The following DAB1 variants were observed in gnomAD, a reference collection of about 807,000 sequenced individuals.
DAB1 encodes the protein disabled homolog 1.
A neutral mutation model predicts 64.6 loss-of-function variants in DAB1; 15 were observed. The observed-to-expected ratio is 0.23, with a 90% CI of 0.16 to 0.36. The LOEUF (loss-of-function observed/expected upper bound fraction) is 0.36, where lower values mean the gene tolerates loss of function less well. DAB1 is among the 10% of genes least tolerant of loss of function. DAB1 has a pLI of 1.00. For missense variants in DAB1, 596 were observed against 706.7 expected, an observed-to-expected ratio of 0.84 and a Z score of 1.78; for synonymous variants, 235 against 251.9, an observed-to-expected ratio of 0.93 and a Z score of 0.64.
chr1:57,052,677 C>T (rs1649307963), intron 9 of DAB1, among the ~76,000 whole-genome samples: 1 of 152,092 alleles, frequency 6.6e-6, no homozygotes, highest in Non-Finnish European at 1.5e-5. Flanking sequence ...AAATACTGGC[C>T]TATATAATGA....
chr1:58,062,455 G>C (rs977704764), intron 5 of DAB1, among the ~76,000 whole-genome samples: 3 of 152,220 alleles, frequency 2.0e-5, no homozygotes, highest in African/African-American at 4.8e-5. Context: ...AGGGCTTCTT[G>C]GGAAGGCCCT....
At chr1:57,184,999 C>G (rs1663383402) in intron 2 of DAB1, among the ~76,000 whole-genome samples, 1 of 152,148 alleles carries the variant, frequency 6.6e-6, no homozygotes, top group Admixed American at 6.5e-5. Context: ...CTCACTGACT[C>G]TCATCCTGAG....
At chr1:58,294,982 C>A (rs149290601) in intron 4 of DAB1, among the ~76,000 whole-genome samples, 2 of 151,632 alleles carry the variant, frequency 1.3e-5, no homozygotes, top group African/African-American at 4.8e-5. Context: ...GATTCATGTT[C>A]ACTTTTGGCT....
intron 9 of DAB1, among the ~76,000 whole-genome samples, chr1:57,059,730 T>G (rs1650189121): frequency 2.0e-5 from 3 of 151,952 alleles, no homozygotes; most frequent in Admixed American, 2.0e-4. Flanking sequence ...TCTAATTATG[T>G]TCAATCATCT....
chr1:57,825,719 A>G (rs1165007674), downstream of DAB1, among the ~76,000 whole-genome samples: 5 of 152,204 alleles, frequency 3.3e-5, no homozygotes. Context: ...GATCTCAAAT[A>G]AGATAAATTT....
rs1414667024 is a variant in DAB1 at position 57,493,762 on chromosome 1, G to GCACACACACACA, written n.625+155829_625+155830insTGTGTGTGTGTG. ...AGGGAGGCAGGCTGACGTATTCACA[G>GCACACACACACA]CTCACACACACACACACACACACAC... On this transcript the variant is annotated intron_variant and non_coding_transcript_variant, in intron 7 of 20. Coordinates refer to the DAB1 transcript ENST00000485760. 7.1e-3 allele frequency among the ~76,000 whole-genome samples: 1,073 copies of GCACACACACACA among 150,176 alleles called. 12 individuals carry two copies. Among genetic ancestry groups the GCACACACACACA allele is most frequent in the African/African-American group, 0.026 (1,036 of 39,996 alleles).
chr1:57,143,918 GTATATGTATATA>G (rs1360214184), intron 3 of DAB1, among the ~76,000 whole-genome samples: 3 of 150,538 alleles, frequency 2.0e-5, no homozygotes, highest in Non-Finnish European at 4.4e-5. Flanking sequence ...TTATGTATAT[GTATATGTATATA>G]TATATGTTTA....
chr1:58,508,072 T>C (rs560315327), intron 2 of DAB1, among the ~76,000 whole-genome samples: 37 of 152,266 alleles, frequency 2.4e-4, no homozygotes, highest in African/African-American at 8.4e-4. Flanking sequence ...GTAACACAGC[T>C]GAAGGGAATC....
intron 2 of DAB1, among the ~76,000 whole-genome samples, chr1:57,164,659 C>T (rs1310400752): frequency 6.6e-6 from 1 of 152,122 alleles, no homozygotes; most frequent in Non-Finnish European, 1.5e-5. Context: ...ATTGGCCTGG[C>T]TAAGAGGAAG....
At chr1:58,085,752 C>G (rs111271930) in intron 5 of DAB1, among the ~76,000 whole-genome samples, 13 of 152,012 alleles carry the variant, frequency 8.6e-5, no homozygotes, top group Non-Finnish European at 1.5e-4. Context: ...TCCCCCTACA[C>G]GCTCCAACCC....
intron 3 of DAB1, among the ~76,000 whole-genome samples, chr1:58,499,402 TTTAGCCCAGGAC>T (rs1227571073): frequency 2.0e-5 from 3 of 151,356 alleles, no homozygotes; most frequent in African/African-American, 7.3e-5. Flanking sequence ...GGAAAATTGC[TTTAGCCCAGGAC>T]TTCAAAGCTG....
At chr1:57,055,575 T>C (rs1378836024) in intron 9 of DAB1, among the ~76,000 whole-genome samples, 1 of 152,200 alleles carries the variant, frequency 6.6e-6, no homozygotes, top group Non-Finnish European at 1.5e-5. Flanking sequence ...CATCAGTTGA[T>C]GCACTCAGGT....
intron 3 of DAB1, among the ~76,000 whole-genome samples, chr1:58,362,866 G>A (rs1411544558): frequency 6.6e-6 from 1 of 152,202 alleles, no homozygotes; most frequent in Non-Finnish European, 1.5e-5. Context: ...GCCAGCTTGG[G>A]CTTCCATAAC....
At chr1:57,394,959 T>A (rs1682682813) in intron 1 of DAB1, among the ~76,000 whole-genome samples, 1 of 152,216 alleles carries the variant, frequency 6.6e-6, no homozygotes, top group Non-Finnish European at 1.5e-5. Flanking sequence ...AAGGATATCA[T>A]CATTAAAAAT....
intron 4 of DAB1, among the ~76,000 whole-genome samples, chr1:58,276,133 A>G (rs2100434375): frequency 6.6e-6 from 1 of 152,326 alleles, no homozygotes; most frequent in Non-Finnish European, 1.5e-5. Flanking sequence ...GAGACAGAAA[A>G]TAGAATGGTG....
intron 5 of DAB1, among the ~76,000 whole-genome samples, chr1:57,922,845 CAAA>C (rs367897659): frequency 0.017 from 748 of 45,020 alleles, 37 homozygotes; most frequent in African/African-American, 0.081. Flanking sequence ...GACTCCATCT[CAAA>C]AAAAAAAAAA....
In DAB1 at chr1:57,206,961, T is replaced by C. The variant is rs1456353534; in HGVS notation, c.68-61532A>G. On this transcript the variant is annotated intron_variant, in intron 2 of 14. Transcript: ENST00000371236. ...TTTCTTTCTCTTTCTCTTTCTTTCC[T>C]TCCTTCCTTTTTTTTTTTTTTTTTT... Among the ~76,000 whole-genome samples the C allele has an allele frequency of 1.4e-4, 19 of 134,298 alleles. No homozygotes were observed. The East Asian group carries it at 3.9e-3, about 28-fold the overall frequency. 88.1% of individuals were successfully genotyped at this position (134,298 alleles called of 152,430 possible). A position where few individuals can be genotyped will look rare whatever the true frequency, so the allele number is the denominator to read the frequency against.
chr1:57,158,934 A>G (rs1660488963), intron 2 of DAB1, among the ~76,000 whole-genome samples: 2 of 152,314 alleles, frequency 1.3e-5, no homozygotes, highest in South Asian at 2.1e-4. Flanking sequence ...TCTGGAATCA[A>G]TTTTCACGTT....
chr1:58,168,346 A>G (rs1230773538), intron 4 of DAB1, among the ~76,000 whole-genome samples: 1 of 152,092 alleles, frequency 6.6e-6, no homozygotes, highest in East Asian at 1.9e-4. Flanking sequence ...TGTGGCCATG[A>G]GCGGAACTCT....
Sources: allele counts gnomAD v4.1 joint callset (sites outside exome capture counted in the v4.1 genomes callset), GRCh38; gene constraint gnomAD v4.1.1; transcripts MANE v1.5; gene names NCBI Gene and HGNC (gene_info 2026-07-23, HGNC 2026-07-21).